MRGPRX3: variants seen among roughly 807,000 people sequenced by gnomAD.
MRGPRX3 encodes the protein mas-related G protein-coupled receptor member X3.
In MRGPRX3, 14 loss-of-function variants were observed where a neutral mutation model predicts 16.5. The observed-to-expected ratio is 0.85, with a 90% CI of 0.56 to 1.33. MRGPRX3 has a LOEUF of 1.33. Ranked by LOEUF, MRGPRX3 falls within the 40% of genes most tolerant of loss-of-function variation. MRGPRX3 has a pLI of 0.00. For synonymous variants in MRGPRX3, 199 were observed against 180.1 expected (o/e 1.10, Z -0.84); for missense variants, 449 against 413.0 (o/e 1.09, Z -0.76).
rs780742106 is a variant in MRGPRX3, at chr11:18,137,778, T to C, written c.576T>C (p.Cys192=). The C allele has an allele frequency of 4.3e-6, 7 of 1,614,040 alleles. No individual in the cohort carries two copies. The highest frequency in any genetic ancestry group is 1.7e-5 in the Admixed American group (1 of 60,000). ...AWLVFLCVVL[C]GSSLVLLVRI... ...TGGTTTTTTTATGTGTGGTTCTCTG[T>C]GGGTCCAGCCTGGTCCTGCTGGTCA... The change falls in exon 2 of 2, where the codon TGT becomes TGC. Residue 192 remains cysteine, a synonymous_variant. Coordinates refer to ENST00000621697, the MANE Select transcript of MRGPRX3 (RefSeq NM_001370464.1).
chr11:18,138,308 A>G lies in MRGPRX3; in HGVS notation c.*137A>G, dbSNP rs1849034716. The G allele has an allele frequency of 7.3e-7, 1 of 1,378,104 alleles. No individual in the cohort carries two copies. The highest frequency in any genetic ancestry group is 2.4e-5 in the Admixed American group (1 of 40,882). The allele number at this position is 1,378,104 out of a possible 1,614,324, so 85.4% of individuals were successfully genotyped here. ...CCTCAAGGTCTTCGAATAGATGTTTATCTAACCTGACAGTTGCAGTTTTCA... is the reference window on the plus strand; with the variant it reads ...CCTCAAGGTCTTCGAATAGATGTTTGTCTAACCTGACAGTTGCAGTTTTCA... On this transcript the variant is annotated 3_prime_UTR_variant, in exon 2 of 2. Transcript: ENST00000621697.
At chr11:18,125,249 C>G (rs967690344) in intron 1 of MRGPRX3, among the ~76,000 whole-genome samples, 1 of 152,112 alleles carries the variant, frequency 6.6e-6, no homozygotes, top group Non-Finnish European at 1.5e-5. Context: ...TGTGTTTGCT[C>G]TTGCTTCTCT....
At chr11:18,121,359 C>T (rs1276103371) in intron 1 of MRGPRX3, among the ~76,000 whole-genome samples, 1 of 152,000 alleles carries the variant, frequency 6.6e-6, no homozygotes, top group Admixed American at 6.5e-5. Context: ...CCAGCCGCCC[C>T]GTCCGGGAGG....
At chr11:18,133,700 C>T (rs1235773202) in intron 1 of MRGPRX3, among the ~76,000 whole-genome samples, 1 of 152,196 alleles carries the variant, frequency 6.6e-6, no homozygotes, top group Non-Finnish European at 1.5e-5. Context: ...AGCTGCTATG[C>T]TTCTTGTACA....
chr11:18,137,667 C>T lies in MRGPRX3; in HGVS notation c.465C>T (p.Ile155=). 6.2e-7 allele frequency: 1 copy of T among 1,614,114 alleles called. No individual in the cohort carries two copies. The highest frequency in any genetic ancestry group is 8.5e-7 in the Non-Finnish European group (1 of 1,180,020). Residue 155 remains isoleucine, a synonymous_variant, in exon 2 of 2, where the codon ATC becomes ATT. Transcript: ENST00000621697. ...GGGCCCTGTCCCTGCTGCGGAGTAT[C>T]CTGGAGTGGATGTTCTGTGACTTCC... ...LLWALSLLRS[I]LEWMFCDFLF... is the part of the protein sequence containing the mutation.
upstream of MRGPRX3, among the ~76,000 whole-genome samples, chr11:18,127,833 G>A (rs923973874): frequency 6.6e-6 from 1 of 152,220 alleles, no homozygotes; most frequent in African/African-American, 2.4e-5. Flanking sequence ...TTCCTTTGGA[G>A]GAGGAGAGGT....
At chr11:18,135,412 T>C (rs1189156018) in intron 1 of MRGPRX3, among the ~76,000 whole-genome samples, 1 of 152,182 alleles carries the variant, frequency 6.6e-6, no homozygotes, top group Non-Finnish European at 1.5e-5. Flanking sequence ...CAATCAGAGC[T>C]GTGGCAGCTT....
chr11:18,136,780 T>G (rs1475180922), intron 1 of MRGPRX3, among the ~76,000 whole-genome samples: 1 of 152,210 alleles, frequency 6.6e-6, no homozygotes, highest in Non-Finnish European at 1.5e-5. Flanking sequence ...ATGCATGATC[T>G]TTTTTCCTGT....
chr11:18,124,704 A>G (rs1342034617), intron 1 of MRGPRX3, among the ~76,000 whole-genome samples: 1 of 152,214 alleles, frequency 6.6e-6, no homozygotes, highest in Non-Finnish European at 1.5e-5. Flanking sequence ...TGGCCTCATA[A>G]AATGAGTTAG....
At chr11:18,131,474 T>G (rs1848960314), upstream of MRGPRX3, among the ~76,000 whole-genome samples, 1 of 152,126 alleles carries the variant, frequency 6.6e-6, no homozygotes. Flanking sequence ...AAATCAACAC[T>G]GTAATGCGAT....
intron 1 of MRGPRX3, among the ~76,000 whole-genome samples, chr11:18,123,528 T>A (rs1322985597): frequency 2.0e-5 from 3 of 152,210 alleles, no homozygotes; most frequent in Non-Finnish European, 4.4e-5. Flanking sequence ...GAGGGCTCTG[T>A]TCTGTTCCAT....
chr11:18,137,310 C>G lies in MRGPRX3; in HGVS notation c.108C>G (p.Ile36Met). The change falls in exon 2 of 2, where the codon ATC becomes ATG. Residue 36 changes from isoleucine to methionine, a missense_variant. Physicochemically the swap from Ile to Met is conservative, Grantham distance 10. Transcript: ENST00000621697. Reference protein sequence around the residue: ...QTLSFTGLTCIVSLVALTGNA... With the variant: ...QTLSFTGLTCMVSLVALTGNA... ...TGAGCTTCACGGGGCTGACGTGCAT[C>G]GTTTCCCTTGTCGCGCTGACAGGAA... is the stretch of plus-strand genomic sequence containing the variant. The G allele has an allele frequency of 6.2e-7, 1 of 1,614,164 alleles. No homozygotes were observed.
intron 1 of MRGPRX3, among the ~76,000 whole-genome samples, chr11:18,135,987 C>T (rs1849004549): frequency 6.6e-6 from 1 of 152,182 alleles, no homozygotes; most frequent in African/African-American, 2.4e-5. Context: ...CAATCAGCTG[C>T]TGTTATTCTC....
In MRGPRX3 at chr11:18,137,927, T is replaced by C. The variant is rs1254111585; in HGVS notation, c.725T>C (p.Ile242Thr). The C allele has an allele frequency of 6.2e-7, 1 of 1,614,194 alleles. No individual in the cohort carries two copies. The highest frequency in any genetic ancestry group is 1.3e-5 in the African/African-American group (1 of 75,044). The change falls in exon 2 of 2, where the codon ATC (isoleucine) becomes ACC (threonine). Residue 242 changes from isoleucine (I) to threonine (T), a missense_variant. By Grantham distance (89) the Ile-to-Thr change is moderately conservative. Coordinates refer to ENST00000621697, the MANE Select transcript of MRGPRX3 (RefSeq NM_001370464.1). ...FGIQWALFSR[I>T]HLDWKVLFCH... ...ATTCAGTGGGCCCTGTTTTCCAGGA[T>C]CCACCTGGATTGGAAAGTCTTATTT... is the stretch of plus-strand genomic sequence containing the variant.
At chr11:18,122,119 T>C (rs1195838952) in intron 1 of MRGPRX3, among the ~76,000 whole-genome samples, 1 of 101,234 alleles carries the variant, frequency 9.9e-6, no homozygotes. Flanking sequence ...ACTGCATTGC[T>C]TGCATGCAAA....
At chr11:18,122,740 T>C (rs1045095705) in intron 1 of MRGPRX3, among the ~76,000 whole-genome samples, 10 of 152,220 alleles carry the variant, frequency 6.6e-5, no homozygotes, top group Non-Finnish European at 1.0e-4. Context: ...TTTCTAGTCC[T>C]AGATCCTTGA....
At chr11:18,129,946 A>G (rs1170844192), upstream of MRGPRX3, among the ~76,000 whole-genome samples, 3 of 152,234 alleles carry the variant, frequency 2.0e-5, no homozygotes, top group Admixed American at 6.5e-5. Flanking sequence ...TCATCTCAAT[A>G]GATGCTGAAA....
chr11:18,137,787 C>T lies in MRGPRX3; in HGVS notation c.585C>T (p.Ser195=), dbSNP rs2134086854. Residue 195 remains serine (S), a synonymous_variant, in exon 2 of 2, where the codon AGC becomes AGT. Transcript: ENST00000621697. The stretch of plus-strand genomic sequence containing the variant: ...TATGTGTGGTTCTCTGTGGGTCCAG[C>T]CTGGTCCTGCTGGTCAGGATTCTCT... ...VFLCVVLCGS[S]LVLLVRILCG... The T allele has an allele frequency of 1.2e-6, 2 of 1,613,886 alleles. No homozygotes were observed. The highest frequency in any genetic ancestry group is 4.5e-5 in the East Asian group (2 of 44,876).
At chr11:18,122,443 T>A (rs1848849672) in intron 1 of MRGPRX3, among the ~76,000 whole-genome samples, 1 of 152,200 alleles carries the variant, frequency 6.6e-6, no homozygotes, top group Non-Finnish European at 1.5e-5. Context: ...TGGTGTTTGG[T>A]TTTCTGTCCT....
Sources: gnomAD v4.1 joint callset for allele counts (sites outside exome capture counted in the v4.1 genomes callset) on GRCh38, gnomAD v4.1.1 for gene constraint, MANE v1.5 for transcripts, NCBI Gene and HGNC (gene_info 2026-07-23, HGNC 2026-07-21) for gene names.